KBTBD12: variants seen among roughly 807,000 people sequenced by gnomAD.
The protein encoded by KBTBD12 is kelch repeat and BTB domain-containing protein 12.
KBTBD12 carries 53 observed loss-of-function variants against 58.7 expected under a neutral mutation model. The observed-to-expected ratio is 0.90, with a 90% CI of 0.72 to 1.14. The LOEUF is 1.14. KBTBD12 is among the 50% of genes most tolerant of loss of function. The pLI, the probability that KBTBD12 is intolerant of heterozygous loss-of-function variation, is 0.00. For synonymous variants in KBTBD12, 236 were observed against 259.8 expected (o/e 0.91, Z 0.88); for missense variants, 704 against 751.3 (o/e 0.94, Z 0.74).
rs116332469 is a variant in KBTBD12 at position 127,933,672 on chromosome 3, T to C, written c.1492+3389T>C. 3.5e-3 allele frequency among the ~76,000 whole-genome samples: 538 copies of C among 152,202 alleles called. 3 individuals carry two copies. Among genetic ancestry groups the C allele is most frequent in the African/African-American group, 0.012 (505 of 41,522 alleles). ...GCAGAAGGTAAATGTCATAGCAGAC[T>C]TGGAAACTATTTGAACTTTTAAGGT... On this transcript the variant is annotated intron_variant, in intron 4 of 5. Coordinates refer to ENST00000405109, the MANE Select transcript of KBTBD12 (RefSeq NM_207335.4).
intron 5 of KBTBD12, chr3:127,963,630 A>AGTGCGTT: frequency 2.2e-6 from 1 of 457,914 alleles, no homozygotes; most frequent in Non-Finnish European, 3.9e-6. Context: ...ACCACCCTGA[A>AGTGCGTT]CACACCTGGT....
At chr3:127,982,196 GTA>G (rs1410922099) in intron 5 of KBTBD12, among the ~76,000 whole-genome samples, 4 of 152,030 alleles carry the variant, frequency 2.6e-5, no homozygotes, top group Admixed American at 2.0e-4. Flanking sequence ...GAGAGTCAGG[GTA>G]TATTGTAAAG....
At chr3:127,964,020 C>CA (rs1940509254) in intron 5 of KBTBD12, among the ~76,000 whole-genome samples, 5 of 152,154 alleles carry the variant, frequency 3.3e-5, no homozygotes, top group Middle Eastern at 6.8e-3. Context: ...ATTGTACCAT[C>CA]ACTGCATTCT....
At chr3:127,933,916 G>T (rs553775145) in intron 4 of KBTBD12, among the ~76,000 whole-genome samples, 17 of 152,062 alleles carry the variant, frequency 1.1e-4, no homozygotes, top group Non-Finnish European at 2.4e-4. Flanking sequence ...CAAAAAGGCA[G>T]TCAAAAAACG....
chr3:127,933,348 C>A (rs999925645), intron 4 of KBTBD12, among the ~76,000 whole-genome samples: 5 of 151,936 alleles, frequency 3.3e-5, no homozygotes, highest in Non-Finnish European at 5.9e-5. Context: ...AGGGGGCTGA[C>A]ATGTTTGTGA....
chr3:127,979,794 ACTTC>A (rs1158949799), intron 5 of KBTBD12, among the ~76,000 whole-genome samples: 1 of 152,246 alleles, frequency 6.6e-6, no homozygotes, highest in Non-Finnish European at 1.5e-5. Context: ...ACAAAATGTA[ACTTC>A]CTTTTAAACA....
At position 127,948,996 on chromosome 3, in the gene KBTBD12, A is replaced by T. The variant is rs181886728; in HGVS notation, c.1493-14193A>T. Among the ~76,000 whole-genome samples the T allele has an allele frequency of 3.3e-5, 5 of 152,320 alleles. 1 individual carries two copies. The highest frequency in any genetic ancestry group is 3.3e-4 in the Admixed American group (5 of 15,298). ...AATAAATATTTCTGACAGAACACTA[A>T]TGGGGTAAATTTTCCCTTCCTTGCC... On this transcript the variant is annotated intron_variant, in intron 4 of 5. Coordinates refer to ENST00000405109, the MANE Select transcript of KBTBD12 (RefSeq NM_207335.4).
At chr3:127,949,386 A>G (rs971162891) in intron 4 of KBTBD12, among the ~76,000 whole-genome samples, 5 of 152,238 alleles carry the variant, frequency 3.3e-5, no homozygotes, top group African/African-American at 1.2e-4. Context: ...GAGAACTTCA[A>G]ATGCCATGCT....
chr3:127,927,613 C>T (rs1939602596), intron 2 of KBTBD12, 151 bp from the exon 3 acceptor site: 1 of 555,514 alleles, frequency 1.8e-6, no homozygotes, highest in East Asian at 2.9e-5. Context: ...AAAAAGCAAA[C>T]CTGTGTCATT....
chr3:127,969,405 T>C (rs1164546877), intron 5 of KBTBD12, among the ~76,000 whole-genome samples: 1 of 152,080 alleles, frequency 6.6e-6, no homozygotes, highest in Non-Finnish European at 1.5e-5. Flanking sequence ...CAAGACATCA[T>C]TAAAAGGAAT....
At chr3:127,953,328 A>G (rs1479294807) in intron 4 of KBTBD12, among the ~76,000 whole-genome samples, 2 of 152,172 alleles carry the variant, frequency 1.3e-5, no homozygotes, top group Non-Finnish European at 2.9e-5. Context: ...GAGTCAAAGG[A>G]CTGAGTCTTT....
At chr3:127,963,677 G>A in intron 5 of KBTBD12, 1 of 302,832 alleles carries the variant, frequency 3.3e-6, no homozygotes, top group Non-Finnish European at 6.1e-6. Flanking sequence ...GGTCGGGCCT[G>A]ATTAGTACTT....
rs1171507101 is a variant in KBTBD12 at position 127,929,971 on chromosome 3, A to T, written c.1342-162A>T. On this transcript the variant is annotated intron_variant, in intron 3 of 5. Coordinates refer to ENST00000405109, the MANE Select transcript of KBTBD12 (RefSeq NM_207335.4). ...TAAATTCCTCTGATATTGACAGTAT[A>T]CTTATAACCCCCGTCATGGGGTTTG... Among the ~76,000 whole-genome samples the T allele has an allele frequency of 2.6e-5, 4 of 152,118 alleles. No homozygotes were observed. The East Asian group carries it at 7.7e-4, about 29-fold the overall frequency.
At position 127,923,795 on chromosome 3, in the gene KBTBD12, A is replaced by T. The variant is rs371682478; in HGVS notation, c.734A>T (p.Asp245Val). ...RRNTMLLCDA[D>V]CVDIIQNAFK... ...AACACAATGCTTCTGTGTGATGCAGATTGTGTTGACATAATTCAAAATGCA... is the reference window on the plus strand; with the variant it reads ...AACACAATGCTTCTGTGTGATGCAGTTTGTGTTGACATAATTCAAAATGCA... Residue 245 changes from aspartate to valine, a missense_variant, in exon 2 of 6, where the codon GAT (aspartate) becomes GTT (valine). Physicochemically the swap from Asp to Val is radical, Grantham distance 152. Transcript: ENST00000405109. 3.9e-5 allele frequency: 63 copies of T among 1,613,918 alleles called. No homozygotes were observed. In the African/African-American group the frequency reaches 7.7e-4, roughly 20 times the overall value.
chr3:127,962,302 T>C (rs767511459), intron 4 of KBTBD12, among the ~76,000 whole-genome samples: 1 of 152,198 alleles, frequency 6.6e-6, no homozygotes, highest in Non-Finnish European at 1.5e-5. Context: ...ATAAAAGCAG[T>C]GCATAGAAAT....
chr3:127,970,655 G>C (rs1302120734), intron 5 of KBTBD12, among the ~76,000 whole-genome samples: 2 of 152,362 alleles, frequency 1.3e-5, no homozygotes, highest in African/African-American at 4.8e-5. Flanking sequence ...AACCTTGAAA[G>C]CATTATGCTA....
intron 4 of KBTBD12, among the ~76,000 whole-genome samples, chr3:127,956,290 A>C (rs1940318891): frequency 6.6e-6 from 1 of 152,122 alleles, no homozygotes; most frequent in South Asian, 2.1e-4. Flanking sequence ...AGCTATAGTA[A>C]TTTTTATCAT....
At chr3:127,960,479 G>A (rs900756444) in intron 4 of KBTBD12, among the ~76,000 whole-genome samples, 20 of 152,282 alleles carry the variant, frequency 1.3e-4, no homozygotes, top group African/African-American at 4.1e-4. Context: ...TCAGAGGTTC[G>A]TATAAATTAA....
rs76854513 is a variant in KBTBD12, at chr3:127,916,186, T to A, written c.-113+600T>A. On this transcript the variant is annotated intron_variant, in intron 1 of 5. Transcript: ENST00000405109. ...GGCAAAGAAAAGAAAAGAAAACTGG[T>A]CTTATTTGTCTTTATCATCCATGTG... is the stretch of plus-strand genomic sequence containing the variant. Among the ~76,000 whole-genome samples the A allele has an allele frequency of 7.2e-4, 108 of 150,862 alleles. 3 individuals carry two copies. In the East Asian group the frequency reaches 0.021, roughly 29 times the overall value.
Sources: gnomAD v4.1 joint callset for allele counts (sites outside exome capture counted in the v4.1 genomes callset) on GRCh38, gnomAD v4.1.1 for gene constraint, MANE v1.5 for transcripts, NCBI Gene and HGNC (gene_info 2026-07-23, HGNC 2026-07-21) for gene names.